Variants in USP30 observed in about 807,000 individuals in gnomAD.
The protein encoded by USP30 is ubiquitin carboxyl-terminal hydrolase 30.
A neutral mutation model predicts 68.2 loss-of-function variants in USP30; 41 were observed. The ratio of observed to expected loss-of-function variants is 0.60; its 90% CI spans 0.47 to 0.78. The LOEUF (loss-of-function observed/expected upper bound fraction) is 0.78. USP30 is among the 30% of genes least tolerant of loss of function. The pLI is 0.00. For missense variants in USP30, 522 were observed against 649.4 expected, an observed-to-expected ratio of 0.80 and a Z score of 2.13; for synonymous variants, 229 against 253.7, an observed-to-expected ratio of 0.90 and a Z score of 0.93.
At chr12:109,048,508 G>A (rs1409201139), upstream of USP30, among the ~76,000 whole-genome samples, 6 of 152,150 alleles carry the variant, frequency 3.9e-5, no homozygotes, top group Non-Finnish European at 7.4e-5. Context: ...TGGTGATTCC[G>A]TATCTTGATT....
intron 1 of USP30, among the ~76,000 whole-genome samples, chr12:109,024,548 G>A (rs919786490): frequency 6.0e-5 from 9 of 149,230 alleles, no homozygotes; most frequent in East Asian, 2.0e-4. Flanking sequence ...TTGAGCCACC[G>A]TGCCCGGCCA....
rs1198323475 is a variant in USP30 at position 109,070,230 on chromosome 12, A to G, written c.481-1382A>G. ...ATGGTGTGGCTCAGACTGGGGTCGA[A>G]GCAGGGTAGCTGAGAGTCCTCAGGA... is the stretch of plus-strand genomic sequence containing the variant. On this transcript the variant is annotated intron_variant, in intron 4 of 12. Coordinates refer to ENST00000257548, the MANE Select transcript of USP30 (RefSeq NM_032663.5). The surrounding 1 kb of genome is among the most constrained non-coding windows in gnomAD (Gnocchi z 4.0). Among the ~76,000 whole-genome samples, 4 of 152,160 alleles carry G rather than the reference A, an allele frequency of 2.6e-5. No homozygotes were observed. The highest frequency in any genetic ancestry group is 9.7e-5 in the African/African-American group (4 of 41,430).
At position 109,067,597 on chromosome 12, in the gene USP30, C is replaced by T. The variant is rs1297617718; in HGVS notation, c.450C>T (p.Tyr150=). The change falls in exon 4 of 13, where the codon TAC becomes TAT. Residue 150 remains tyrosine (Y), a synonymous_variant. Coordinates refer to ENST00000257548, the MANE Select transcript of USP30 (RefSeq NM_032663.5). ...ASCLLDVLRM[Y]RWQISSFEEQ... is the part of the protein sequence containing the mutation. ...GCTTGTTGGATGTCTTAAGAATGTA[C>T]AGATGGCAGATCTCATCATTTGAAG... The T allele has an allele frequency of 6.2e-7, 1 of 1,613,978 alleles. No individual in the cohort carries two copies. Among genetic ancestry groups the T allele is most frequent in the Non-Finnish European group, 8.5e-7 (1 of 1,179,988 alleles).
At chr12:109,032,352 A>T (rs1231880001) in intron 3 of USP30, among the ~76,000 whole-genome samples, 2 of 152,238 alleles carry the variant, frequency 1.3e-5, no homozygotes, top group African/African-American at 4.8e-5. Flanking sequence ...TGTTCATAGC[A>T]TTATTATTCA....
At chr12:109,042,885 T>C (rs1271906464) in intron 3 of USP30, among the ~76,000 whole-genome samples, 1 of 152,160 alleles carries the variant, frequency 6.6e-6, no homozygotes, top group Non-Finnish European at 1.5e-5. Flanking sequence ...TTAGAACTAA[T>C]AAATTAATTC....
chr12:109,036,338 T>C (rs1249358449), intron 3 of USP30, among the ~76,000 whole-genome samples: 1 of 151,710 alleles, frequency 6.6e-6, no homozygotes, highest in East Asian at 1.9e-4. Flanking sequence ...TCTCACCCTT[T>C]CACCCAGGCT....
upstream of USP30, among the ~76,000 whole-genome samples, chr12:109,050,074 T>C (rs2040645471): frequency 6.6e-6 from 1 of 152,038 alleles, no homozygotes; most frequent in African/African-American, 2.4e-5. Flanking sequence ...GGTGGGTGGA[T>C]CACAAGGTCA....
At chr12:109,041,845 A>G (rs1282494556) in intron 3 of USP30, among the ~76,000 whole-genome samples, 2 of 152,054 alleles carry the variant, frequency 1.3e-5, no homozygotes, top group Non-Finnish European at 2.9e-5. Flanking sequence ...GGGTTTTAGG[A>G]TCCCTCTGTC....
At chr12:109,074,083 G>A (rs548265384) in intron 7 of USP30, among the ~76,000 whole-genome samples, 1 of 152,062 alleles carries the variant, frequency 6.6e-6, no homozygotes, top group African/African-American at 2.4e-5. Context: ...CTGTCTCTAT[G>A]GATTTGCATA....
At chr12:109,032,430 T>A (rs1201216299) in intron 3 of USP30, among the ~76,000 whole-genome samples, 1 of 152,264 alleles carries the variant, frequency 6.6e-6, no homozygotes, top group Non-Finnish European at 1.5e-5. Flanking sequence ...CAAAATGTGG[T>A]ATACCCATAC....
chr12:109,024,001 A>G (rs1021292419), intron 1 of USP30, among the ~76,000 whole-genome samples: 2 of 152,090 alleles, frequency 1.3e-5, no homozygotes, highest in African/African-American at 4.8e-5. Context: ...GGGAGTTTGC[A>G]GCCTGGAACT....
At chr12:109,079,686 A>G (rs573046144) in intron 7 of USP30, among the ~76,000 whole-genome samples, 4 of 151,188 alleles carry the variant, frequency 2.6e-5, no homozygotes, top group Non-Finnish European at 5.9e-5. Context: ...TTCATCTCCA[A>G]TCTCTGTTTG....
At chr12:109,055,400 A>ATATATTTTTTTTTTTTTTT (rs1298811530) in intron 1 of USP30, among the ~76,000 whole-genome samples, 2 of 24,468 alleles carry the variant, frequency 8.2e-5, no homozygotes, top group African/African-American at 2.2e-4. Context: ...ATATATATAT[A>ATATATTTTTTTTTTTTTTT]TTTTTTTTTT....
At chr12:109,076,765 T>C (rs1449744546) in intron 7 of USP30, among the ~76,000 whole-genome samples, 1 of 142,834 alleles carries the variant, frequency 7.0e-6, no homozygotes, top group Non-Finnish European at 1.5e-5. Flanking sequence ...GGAGTCTTGC[T>C]CTGTCGCCCA....
rs190827574 is a variant in USP30 at position 109,057,867 on chromosome 12, G to T, written c.194-59G>T. ...GCGCAGGAACTCTGGGTCCCACATG[G>T]GAGAGAAATTGATCAAATGTGATAT... is the stretch of plus-strand genomic sequence containing the variant. On this transcript the variant is annotated intron_variant, in intron 2 of 12. Coordinates refer to ENST00000257548, the MANE Select transcript of USP30 (RefSeq NM_032663.5). 3.2e-6 allele frequency: 5 copies of T among 1,542,684 alleles called. No homozygotes were observed. The East Asian group carries it at 1.1e-4, about 35-fold the overall frequency.
intron 7 of USP30, 54 bp downstream of exon 7, chr12:109,073,586 G>T: frequency 6.6e-7 from 1 of 1,518,614 alleles, no homozygotes. Flanking sequence ...CAAAAGTTAG[G>T]ATTCTTGAAA....
chr12:109,031,524 G>A (rs1176949844), intron 3 of USP30, among the ~76,000 whole-genome samples: 2 of 152,130 alleles, frequency 1.3e-5, no homozygotes, highest in African/African-American at 2.4e-5. Context: ...TTAAAAACAG[G>A]GACTCAAACA....
upstream of USP30, among the ~76,000 whole-genome samples, chr12:109,050,841 C>T (rs537423225): frequency 1.1e-4 from 16 of 151,778 alleles, no homozygotes; most frequent in South Asian, 3.3e-3. Flanking sequence ...CCCGTCTCTA[C>T]TAAAAATACA....
At chr12:109,078,520 A>G (rs1185760055) in intron 7 of USP30, among the ~76,000 whole-genome samples, 1 of 151,396 alleles carries the variant, frequency 6.6e-6, no homozygotes, top group East Asian at 1.9e-4. Flanking sequence ...AATTGCTTGA[A>G]CCTGGGAGGC....
Sources: allele counts gnomAD v4.1 joint callset (sites outside exome capture counted in the v4.1 genomes callset), GRCh38; gene constraint gnomAD v4.1.1; non-coding constraint Gnocchi (gnomAD v3.1); transcripts MANE v1.5; gene names NCBI Gene and HGNC (gene_info 2026-07-23, HGNC 2026-07-21).